The following SEC22A variants were observed in gnomAD, a reference collection of about 807,000 sequenced individuals.
The protein encoded by SEC22A is SEC22 homolog A, vesicle trafficking protein, also known as vesicle-trafficking protein SEC22a.
A neutral mutation model predicts 35.3 loss-of-function variants in SEC22A; 22 were observed. The observed-to-expected ratio is 0.62, with a 90% CI of 0.45 to 0.89. The LOEUF (loss-of-function observed/expected upper bound fraction) is 0.89. Among genes scored for constraint, SEC22A ranks in the 40% least tolerant of loss-of-function variants. SEC22A has a pLI of 0.00. For missense variants in SEC22A, 354 were observed against 362.5 expected, an observed-to-expected ratio of 0.98 and a Z score of 0.19; for synonymous variants, 119 against 129.5, an observed-to-expected ratio of 0.92 and a Z score of 0.55.
chr3:123,268,069 T>C (rs1056145376), intron 6 of SEC22A, among the ~76,000 whole-genome samples: 1 of 152,342 alleles, frequency 6.6e-6, no homozygotes, highest in African/African-American at 2.4e-5. Context: ...ATGAAAGTCC[T>C]GGCTTCTACT....
intron 4 of SEC22A, among the ~76,000 whole-genome samples, chr3:123,229,319 C>T (rs534912753): frequency 6.6e-6 from 1 of 152,104 alleles, no homozygotes; most frequent in East Asian, 1.9e-4. Flanking sequence ...AAAAGGAAAC[C>T]AAAACTCATC....
chr3:123,248,740 A>AT (rs1668591019), intron 5 of SEC22A, among the ~76,000 whole-genome samples: 1 of 152,228 alleles, frequency 6.6e-6, no homozygotes, highest in Non-Finnish European at 1.5e-5. Flanking sequence ...TAAAGTTCAT[A>AT]TGGAAAAGCA....
At chr3:123,230,215 A>G (rs1477092797) in intron 4 of SEC22A, among the ~76,000 whole-genome samples, 1 of 152,180 alleles carries the variant, frequency 6.6e-6, no homozygotes, top group African/African-American at 2.4e-5. Flanking sequence ...AAAACAGTGT[A>G]TATATAATGT....
In SEC22A at chr3:123,271,517, A is replaced by C. The variant is rs543986328; in HGVS notation, c.724-5A>C. The C allele has an allele frequency of 6.2e-7, 1 of 1,609,126 alleles. No homozygotes were observed. Among genetic ancestry groups the C allele is most frequent in the African/African-American group, 1.3e-5 (1 of 74,828 alleles). On this transcript the variant is annotated splice_region_variant and splice_polypyrimidine_tract_variant and intron_variant, in intron 6 of 6. Transcript: ENST00000492595. ...AATCATCTTTCATTTTTATATTTTG[A>C]ACAGTGTTATTTACTTGTCTACTAC...
chr3:123,219,427 C>T (rs1294152947), intron 2 of SEC22A, among the ~76,000 whole-genome samples: 1 of 152,194 alleles, frequency 6.6e-6, no homozygotes, highest in African/African-American at 2.4e-5. Context: ...ATCTATACTA[C>T]ATGGAAGTTG....
At chr3:123,213,467 C>A (rs934295031) in intron 2 of SEC22A, among the ~76,000 whole-genome samples, 1 of 152,190 alleles carries the variant, frequency 6.6e-6, no homozygotes, top group African/African-American at 2.4e-5. Context: ...TTAAATGCTT[C>A]TTTCCTTCAA....
intron 2 of SEC22A, among the ~76,000 whole-genome samples, chr3:123,220,525 A>T (rs1289854196): frequency 1.3e-5 from 2 of 152,184 alleles, no homozygotes; most frequent in African/African-American, 4.8e-5. Flanking sequence ...TCCTTAAGAG[A>T]TACATTTTAC....
intron 6 of SEC22A, among the ~76,000 whole-genome samples, chr3:123,260,499 A>G (rs574187505): frequency 2.0e-5 from 3 of 152,294 alleles, no homozygotes; most frequent in African/African-American, 7.2e-5. Context: ...GAGATTTTGC[A>G]CCTTGGTGAC....
At chr3:123,227,606 A>T (rs879356510) in intron 4 of SEC22A, among the ~76,000 whole-genome samples, 23 of 151,730 alleles carry the variant, frequency 1.5e-4, no homozygotes, top group African/African-American at 5.6e-4. Flanking sequence ...AAAGTATAAT[A>T]AAAAAAGAAA....
chr3:123,239,444 C>G (rs1257384262), intron 4 of SEC22A, among the ~76,000 whole-genome samples: 1 of 152,030 alleles, frequency 6.6e-6, no homozygotes, highest in African/African-American at 2.4e-5. Context: ...TATCCCTCCC[C>G]CCTCCACCCA....
At chr3:123,254,988 C>A (rs1041617499) in intron 5 of SEC22A, among the ~76,000 whole-genome samples, 13 of 149,830 alleles carry the variant, frequency 8.7e-5, no homozygotes, top group African/African-American at 2.9e-4. Context: ...ACTATGATCT[C>A]TTTTCTGCTC....
Position 123,230,498 on chromosome 3 carries a change from A to G in SEC22A, c.541+5201A>G, listed in dbSNP as rs146899736. Among the ~76,000 whole-genome samples the G allele has an allele frequency of 1.4e-3, 217 of 152,198 alleles. 2 individuals carry two copies. Among genetic ancestry groups the G allele is most frequent in the Non-Finnish European group, 1.4e-3 (92 of 67,984 alleles). On this transcript the variant is annotated intron_variant, in intron 4 of 6. Transcript: ENST00000492595. ...ATTATGGAGTTTGTGATGTTTATTG[A>G]TATGTATAACAGCAATACCACAAAA...
At position 123,221,975 on chromosome 3, in the gene SEC22A, A is replaced by C. The variant is rs568944241; in HGVS notation, c.183-1584A>C. On this transcript the variant is annotated intron_variant, in intron 2 of 6. Transcript: ENST00000492595. ...ATGCCCCTTTCTTCATAACTACTTCAGAGTATATTTTCTAAAATTAGGGAT... is the reference window on the plus strand; with the variant it reads ...ATGCCCCTTTCTTCATAACTACTTCCGAGTATATTTTCTAAAATTAGGGAT... 1.6e-4 allele frequency among the ~76,000 whole-genome samples: 24 copies of C among 152,184 alleles called. No homozygotes were observed. In the South Asian group the frequency reaches 4.8e-3, roughly 30 times the overall value.
intron 5 of SEC22A, among the ~76,000 whole-genome samples, chr3:123,258,729 T>C (rs564402502): frequency 3.3e-5 from 5 of 152,178 alleles, no homozygotes; most frequent in African/African-American, 7.2e-5. Context: ...GGTTTTTTTT[T>C]TCTCTCTAAT....
At chr3:123,266,480 T>C (rs757943185) in intron 6 of SEC22A, among the ~76,000 whole-genome samples, 1 of 152,180 alleles carries the variant, frequency 6.6e-6, no homozygotes, top group Non-Finnish European at 1.5e-5. Flanking sequence ...TGATATGTTT[T>C]ATTTTCATTT....
At chr3:123,207,393 C>A (rs544031909) in intron 1 of SEC22A, among the ~76,000 whole-genome samples, 21 of 151,852 alleles carry the variant, frequency 1.4e-4, no homozygotes, top group African/African-American at 5.1e-4. Flanking sequence ...ATTAAGTGGG[C>A]AGGTAAGGAT....
At chr3:123,256,758 C>CTTTTT (rs386397801) in intron 5 of SEC22A, among the ~76,000 whole-genome samples, 3 of 83,564 alleles carry the variant, frequency 3.6e-5, no homozygotes, top group East Asian at 5.3e-4. Context: ...TTTTTCTTTC[C>CTTTTT]TTTTTTTTTT....
intron 2 of SEC22A, among the ~76,000 whole-genome samples, chr3:123,211,240 A>G (rs918953915): frequency 3.9e-5 from 6 of 152,100 alleles, no homozygotes; most frequent in Non-Finnish European, 8.8e-5. Flanking sequence ...TAGAATGATA[A>G]TGAGAAATAG....
chr3:123,206,445 A>G (rs1270810616), intron 1 of SEC22A, among the ~76,000 whole-genome samples: 1 of 152,200 alleles, frequency 6.6e-6, no homozygotes. Flanking sequence ...AATTCCCAGA[A>G]TGGTTATTGT....
Sources: allele counts gnomAD v4.1 joint callset (sites outside exome capture counted in the v4.1 genomes callset), GRCh38; gene constraint gnomAD v4.1.1; transcripts MANE v1.5; gene names NCBI Gene and HGNC (gene_info 2026-07-23, HGNC 2026-07-21).